The following VPS13B variants were observed in gnomAD, a reference collection of about 807,000 sequenced individuals.
The protein encoded by VPS13B is intermembrane lipid transfer protein VPS13B.
A neutral mutation model predicts 426.4 loss-of-function variants in VPS13B; 285 were observed. The observed-to-expected ratio is 0.67, with a 90% CI of 0.61 to 0.74. The LOEUF (loss-of-function observed/expected upper bound fraction) is 0.74, where lower values mean the gene tolerates loss of function less well. Among genes scored for constraint, VPS13B ranks in the 30% least tolerant of loss-of-function variants. VPS13B has a pLI of 0.00. For missense variants in VPS13B, 4,537 were observed against 4,782.6 expected (o/e 0.95, Z 1.51); for synonymous variants, 1,676 against 1,676.4 (o/e 1.00, Z 0.01).
intron 31 of VPS13B, among the ~76,000 whole-genome samples, chr8:99,573,329 T>C (rs1016825208): frequency 2.0e-5 from 3 of 152,214 alleles, no homozygotes; most frequent in Admixed American, 1.3e-4. Flanking sequence ...CAATTTTGGC[T>C]TTTGTTGCCA....
intron 29 of VPS13B, among the ~76,000 whole-genome samples, chr8:99,518,151 A>G (rs969649165): frequency 2.0e-5 from 3 of 151,770 alleles, no homozygotes; most frequent in Non-Finnish European, 4.4e-5. Flanking sequence ...TCTCCTCCAT[A>G]TTTACCTCAT....
Position 99,680,590 on chromosome 8 carries a change from C to T in VPS13B, c.6047-18935C>T, listed in dbSNP as rs540252339. Among the ~76,000 whole-genome samples, 156 of 152,220 alleles carry T rather than the reference C, an allele frequency of 1.0e-3. 1 individual carries two copies. The highest frequency in any genetic ancestry group is 2.1e-3 in the Non-Finnish European group (142 of 68,002). Reference sequence around the variant, plus strand: ...GCAGGCATGGGTTTACTTAAAGATACAGAATATGTTCTGAAAATGGTGAGA... The same window carrying T: ...GCAGGCATGGGTTTACTTAAAGATATAGAATATGTTCTGAAAATGGTGAGA... On this transcript the variant is annotated intron_variant, in intron 35 of 61. Transcript: ENST00000357162.
chr8:99,482,065 G>A (rs1232523896), intron 25 of VPS13B, among the ~76,000 whole-genome samples: 1 of 152,088 alleles, frequency 6.6e-6, no homozygotes, highest in Non-Finnish European at 1.5e-5. Context: ...GTAAAGGTAT[G>A]TTTCCTCGGA....
intron 17 of VPS13B, among the ~76,000 whole-genome samples, chr8:99,264,372 C>T (rs991548021): frequency 1.6e-4 from 24 of 152,042 alleles, no homozygotes; most frequent in Non-Finnish European, 4.4e-5. Flanking sequence ...TTGATTTACT[C>T]TCTTTTTTAG....
intron 33 of VPS13B, among the ~76,000 whole-genome samples, chr8:99,639,821 A>T (rs540286500): frequency 6.7e-6 from 1 of 149,156 alleles, no homozygotes; most frequent in East Asian, 2.0e-4. Flanking sequence ...AAATGTAAAA[A>T]TAAGCTAGCC....
In VPS13B at chr8:99,717,158, A is replaced by AT. The variant is rs398124337; in HGVS notation, c.6455-4dup. On this transcript the variant is annotated splice_polypyrimidine_tract_variant and intron_variant, in intron 36 of 61. Coordinates refer to ENST00000357162, the MANE Select transcript of VPS13B (RefSeq NM_152564.5). ...AAGGATGAATTATATACTCTTCTGTATTTTTTTTTCAGGCATAATTCTTGG... is the reference window on the plus strand; with the variant it reads ...AAGGATGAATTATATACTCTTCTGTATTTTTTTTTTCAGGCATAATTCTTGG... 18,668 of 1,564,658 alleles carry AT rather than the reference A, an allele frequency of 0.012. 272 individuals carry two copies. The highest frequency in any genetic ancestry group is 0.064 in the South Asian group (5,736 of 89,798).
At chr8:99,508,227 G>A (rs1378003054) in intron 28 of VPS13B, among the ~76,000 whole-genome samples, 3 of 151,936 alleles carry the variant, frequency 2.0e-5, no homozygotes, top group Admixed American at 6.6e-5. Flanking sequence ...TTCCTCTTAC[G>A]ATTCTTAATA....
chr8:99,014,028 A>G lies in VPS13B; in HGVS notation c.147+93A>G, dbSNP rs575915633. Reference sequence around the variant, plus strand: ...CTAAGCTTTGACTTTATGCTGTAAAAACGTAACTTTTCTACTGATGTATTT... The same window carrying G: ...CTAAGCTTTGACTTTATGCTGTAAAGACGTAACTTTTCTACTGATGTATTT... On this transcript the variant is annotated intron_variant, in intron 2 of 61. Transcript: ENST00000357162. The G allele has an allele frequency of 3.7e-5, 59 of 1,575,036 alleles. No individual in the cohort carries two copies. The Admixed American group carries it at 9.1e-4, about 24-fold the overall frequency.
At chr8:99,660,776 G>A (rs926432294) in intron 34 of VPS13B, among the ~76,000 whole-genome samples, 1 of 151,766 alleles carries the variant, frequency 6.6e-6, no homozygotes, top group Non-Finnish European at 1.5e-5. Context: ...AACAGAAAAA[G>A]CTCATTTTCA....
At chr8:99,335,428 A>T (rs1459969615) in intron 19 of VPS13B, among the ~76,000 whole-genome samples, 4 of 151,974 alleles carry the variant, frequency 2.6e-5, no homozygotes, top group African/African-American at 9.7e-5. Flanking sequence ...TTGCTTTTCT[A>T]GTTCTTTTAA....
chr8:99,501,771 A>G lies in VPS13B; in HGVS notation c.3955A>G (p.Ser1319Gly), dbSNP rs374363141. The change falls in exon 26 of 62, where the codon AGT becomes GGT. Residue 1319 changes from serine (S) to glycine (G), a missense_variant. Physicochemically the swap from Ser to Gly is moderately conservative, Grantham distance 56. This residue lies in a region of VPS13B where 4,311 missense variants were observed against 4,474.3 expected (regional missense o/e 0.96). Transcript: ENST00000357162. The stretch of plus-strand genomic sequence containing the variant: ...AACTACAAGTAATATTGGAGGAACC[A>G]GTGGACGTGTTAGTTTATGGATGCA... ...EQTTSNIGGT[S>G]GRVSLWMQWV... The G allele has an allele frequency of 3.7e-6, 6 of 1,614,010 alleles. No homozygotes were observed. The African/African-American group carries it at 8.0e-5, about 22-fold the overall frequency.
rs191705930 is a variant in VPS13B, at chr8:99,285,217, C to A, written c.2824+9963C>A. On this transcript the variant is annotated intron_variant, in intron 19 of 61. Transcript: ENST00000357162. ...CTTCCACATTGAAATGTACCCTGGACGCTATGATGTTAGGAGTCAGGAACA... is the reference window on the plus strand; with the variant it reads ...CTTCCACATTGAAATGTACCCTGGAAGCTATGATGTTAGGAGTCAGGAACA... Among the ~76,000 whole-genome samples, 952 of 152,220 alleles carry A rather than the reference C, an allele frequency of 6.3e-3. 10 individuals are homozygous for A. The highest frequency in any genetic ancestry group is 0.011 in the Non-Finnish European group (718 of 68,018).
At chr8:99,558,970 T>G (rs548850428) in intron 31 of VPS13B, among the ~76,000 whole-genome samples, 1 of 152,354 alleles carries the variant, frequency 6.6e-6, no homozygotes, top group African/African-American at 2.4e-5. Flanking sequence ...TTCTAGATCC[T>G]TGAGGAATTG....
Position 99,876,357 on chromosome 8 carries a change from C to CAACA in VPS13B, c.*692_*695dup, listed in dbSNP as rs1274545837. The CAACA allele has an allele frequency of 1.4e-5, 2 of 141,762 alleles. No individual in the cohort carries two copies. Among genetic ancestry groups the CAACA allele is most frequent in the African/African-American group, 5.8e-5 (2 of 34,272 alleles). The allele number at this position is 141,762 out of a possible 1,614,324, so 8.8% of individuals were successfully genotyped here. On this transcript the variant is annotated 3_prime_UTR_variant, in exon 62 of 62. Transcript: ENST00000357162. ...GAAGTCTGCATTTTACTAAAATTTA[C>CAACA]AACAGTCTGATGATTGATTGATTAC...
At chr8:99,265,196 G>C (rs914261237) in intron 17 of VPS13B, among the ~76,000 whole-genome samples, 1 of 151,952 alleles carries the variant, frequency 6.6e-6, no homozygotes, top group Non-Finnish European at 1.5e-5. Context: ...AATAATATCT[G>C]CCTGTCACAT....
intron 56 of VPS13B, among the ~76,000 whole-genome samples, 158 bp downstream of exon 56, chr8:99,854,414 T>G (rs1006033473): frequency 2.6e-5 from 4 of 152,334 alleles, no homozygotes; most frequent in African/African-American, 9.6e-5. Flanking sequence ...ATCTAGAGCC[T>G]GCCACTGTTA....
At chr8:99,376,254 C>T (rs1333150805) in intron 19 of VPS13B, among the ~76,000 whole-genome samples, 1 of 152,108 alleles carries the variant, frequency 6.6e-6, no homozygotes, top group African/African-American at 2.4e-5. Flanking sequence ...AAACTAATTA[C>T]CCAGATATTT....
chr8:99,377,998 A>C (rs998741548), intron 19 of VPS13B, among the ~76,000 whole-genome samples: 1 of 152,074 alleles, frequency 6.6e-6, no homozygotes, highest in Non-Finnish European at 1.5e-5. Flanking sequence ...AGAGGAGAGA[A>C]CCAGTCTGAC....
At chr8:99,819,025 A>G in intron 47 of VPS13B, 137 bp downstream of exon 47, 1 of 879,678 alleles carries the variant, frequency 1.1e-6, no homozygotes, top group Non-Finnish European at 1.8e-6. Flanking sequence ...ATGATTTCTT[A>G]TCTTATGAGA....
Sources: gnomAD v4.1 joint callset for allele counts (sites outside exome capture counted in the v4.1 genomes callset) on GRCh38, gnomAD v4.1.1 for gene constraint, gnomAD v4.1.1 regional missense constraint, MANE v1.5 for transcripts, NCBI Gene and HGNC (gene_info 2026-07-23, HGNC 2026-07-21) for gene names.